Variants in PLA2G4A observed in about 807,000 individuals in gnomAD.
The protein encoded by PLA2G4A is phospholipase A2 group IVA, also known as cytosolic phospholipase A2.
PLA2G4A carries 40 observed loss-of-function variants against 81.9 expected under a neutral mutation model. The observed-to-expected ratio is 0.49, with a 90% CI of 0.38 to 0.64. PLA2G4A has a LOEUF of 0.64. Among genes scored for constraint, PLA2G4A ranks in the 30% least tolerant of loss-of-function variants. The pLI, the probability that PLA2G4A is intolerant of heterozygous loss-of-function variation, is 0.00. For synonymous variants in PLA2G4A, 302 were observed against 296.9 expected (o/e 1.02, Z -0.18); for missense variants, 715 against 905.1 (o/e 0.79, Z 2.69).
chr1:186,911,588 A>G (rs1654944924), intron 7 of PLA2G4A, among the ~76,000 whole-genome samples, 199 bp downstream of exon 7: 1 of 152,166 alleles, frequency 6.6e-6, no homozygotes, highest in African/African-American at 2.4e-5. Flanking sequence ...GGTAATATTT[A>G]TCAGCTATAG....
intron 14 of PLA2G4A, among the ~76,000 whole-genome samples, chr1:186,964,363 A>T (rs145040923): frequency 1.3e-5 from 2 of 152,130 alleles, no homozygotes; most frequent in African/African-American, 4.8e-5. Flanking sequence ...TATCAGTATT[A>T]TTTTTTCATA....
rs892680512 is a variant in PLA2G4A at position 186,945,302 on chromosome 1, T to A, written c.1034-1335T>A. Among the ~76,000 whole-genome samples the A allele has an allele frequency of 7.9e-5, 12 of 151,996 alleles. No individual in the cohort carries two copies. In the East Asian group the frequency reaches 2.3e-3, roughly 29 times the overall value. ...ACGCAAGACAAAATGTGATAGAACA[T>A]TGTTAGGAGGGATGTGGTCACATCA... On this transcript the variant is annotated intron_variant, in intron 10 of 17. Coordinates refer to ENST00000367466, the MANE Select transcript of PLA2G4A (RefSeq NM_024420.3).
intron 7 of PLA2G4A, among the ~76,000 whole-genome samples, chr1:186,927,771 T>C (rs1655601591): frequency 6.6e-6 from 1 of 152,216 alleles, no homozygotes; most frequent in African/African-American, 2.4e-5. Flanking sequence ...ACAGATCATC[T>C]AGTCATGGAG....
chr1:186,864,026 AAAGTGCTGGGATT>A (rs1445816507), intron 2 of PLA2G4A, among the ~76,000 whole-genome samples: 6 of 4,506 alleles, frequency 1.3e-3, no homozygotes, highest in African/African-American at 6.9e-3. Flanking sequence ...CCTCCCTCCC[AAAGTGCTGGGATT>A]AAGGCATGAG....
At chr1:186,862,223 C>CTTTTTTTTT (rs66584780) in intron 2 of PLA2G4A, among the ~76,000 whole-genome samples, 1 of 126,308 alleles carries the variant, frequency 7.9e-6, no homozygotes, top group Non-Finnish European at 1.6e-5. Flanking sequence ...TAGTTATGAA[C>CTTTTTTTTT]TTTTTTTTTG....
chr1:186,871,608 T>C (rs1324402565), intron 3 of PLA2G4A, among the ~76,000 whole-genome samples: 1 of 152,086 alleles, frequency 6.6e-6, no homozygotes, highest in Admixed American at 6.6e-5. Flanking sequence ...AAGACCAGAA[T>C]GCTTGTGAGG....
At chr1:186,872,520 CT>C (rs990350064) in intron 3 of PLA2G4A, among the ~76,000 whole-genome samples, 3 of 151,860 alleles carry the variant, frequency 2.0e-5, no homozygotes, top group East Asian at 1.9e-4. Flanking sequence ...CCCCCCACCC[CT>C]TTTTTTTAAT....
chr1:186,916,679 A>T (rs185231848), intron 7 of PLA2G4A, among the ~76,000 whole-genome samples: 2 of 152,250 alleles, frequency 1.3e-5, no homozygotes, highest in African/African-American at 4.8e-5. Context: ...GTCATAACAC[A>T]CATCTGGTCT....
At chr1:186,865,508 T>TA (rs1292407743) in intron 2 of PLA2G4A, among the ~76,000 whole-genome samples, 1 of 152,140 alleles carries the variant, frequency 6.6e-6, no homozygotes, top group East Asian at 1.9e-4. Flanking sequence ...ATGCAACTAT[T>TA]AAAAAAAATT....
chr1:186,872,489 G>A (rs1653313527), intron 3 of PLA2G4A, among the ~76,000 whole-genome samples: 1 of 152,158 alleles, frequency 6.6e-6, no homozygotes, highest in Non-Finnish European at 1.5e-5. Context: ...GCTATTATCT[G>A]TTAGATAAAG....
At chr1:186,832,775 A>G (rs774213791) in intron 1 of PLA2G4A, among the ~76,000 whole-genome samples, 4 of 152,210 alleles carry the variant, frequency 2.6e-5, no homozygotes, top group Non-Finnish European at 4.4e-5. Context: ...TTACATAATC[A>G]TAGCACTTTT....
At chr1:186,858,918 CGT>C (rs142558787) in intron 2 of PLA2G4A, among the ~76,000 whole-genome samples, 4,739 of 147,552 alleles carry the variant, frequency 0.032, 235 homozygotes, top group African/African-American at 0.11. Context: ...TGGGTGTGTG[CGT>C]GTGTGTGTGT....
In PLA2G4A at chr1:186,950,621, C is replaced by T. The variant is rs749615358; in HGVS notation, c.1265-36C>T. 3 of 1,176,548 alleles carry T rather than the reference C, an allele frequency of 2.5e-6. No individual in the cohort carries two copies. The African/African-American group carries it at 4.5e-5, about 18-fold the overall frequency. 72.9% of individuals were successfully genotyped at this position (1,176,548 alleles called of 1,614,324 possible). ...TAAAATTAATTGTTAATTTTGACAC[C>T]TGAAATGCTTCAATTTTTTTGTTTT... On this transcript the variant is annotated intron_variant, in intron 12 of 17. Transcript: ENST00000367466.
chr1:186,941,157 G>A (rs1220789767), intron 10 of PLA2G4A, among the ~76,000 whole-genome samples: 1 of 151,692 alleles, frequency 6.6e-6, no homozygotes, highest in Non-Finnish European at 1.5e-5. Flanking sequence ...TTTTGGGGGG[G>A]CCTCTGTCAG....
At position 186,979,345 on chromosome 1, in the gene PLA2G4A, A is replaced by G. The variant is rs1334979774; in HGVS notation, c.1991A>G (p.Glu664Gly). 6.2e-7 allele frequency: 1 copy of G among 1,612,478 alleles called. No individual in the cohort carries two copies. The highest frequency in any genetic ancestry group is 2.2e-5 in the East Asian group (1 of 44,866). ...GVPRETEEEK[E>G]IADFDIFDDP... The stretch of plus-strand genomic sequence containing the variant: ...CCAAGGGAAACTGAGGAAGAGAAAG[A>G]AATCGCTGACTTTGATATTTTTGAT... Residue 664 changes from glutamate (E) to glycine (G), a missense_variant, in exon 17 of 18, where the codon GAA (glutamate) becomes GGA (glycine). By Grantham distance (98) the Glu-to-Gly change is moderately conservative (BLOSUM62 -2). Transcript: ENST00000367466.
At chr1:186,910,532 T>C (rs1654902418) in intron 6 of PLA2G4A, among the ~76,000 whole-genome samples, 1 of 152,126 alleles carries the variant, frequency 6.6e-6, no homozygotes, top group South Asian at 2.1e-4. Flanking sequence ...AGCTGCAATA[T>C]ATAATAATAT....
At chr1:186,914,429 G>A (rs1655069651) in intron 7 of PLA2G4A, among the ~76,000 whole-genome samples, 1 of 146,374 alleles carries the variant, frequency 6.8e-6, no homozygotes, top group African/African-American at 2.6e-5. Context: ...AGAAGGAAGG[G>A]GTTTGTTTGG....
chr1:186,920,771 C>T (rs182925490), intron 7 of PLA2G4A, among the ~76,000 whole-genome samples: 1 of 152,216 alleles, frequency 6.6e-6, no homozygotes, highest in Non-Finnish European at 1.5e-5. Flanking sequence ...GCCAGTAAGT[C>T]GGCGTTTCGC....
intron 14 of PLA2G4A, among the ~76,000 whole-genome samples, chr1:186,964,965 T>C (rs866547838): frequency 1.3e-5 from 2 of 152,236 alleles, no homozygotes; most frequent in African/African-American, 4.8e-5. Flanking sequence ...ACCTTCGAGA[T>C]GACTCTTCAT....
Sources: gnomAD v4.1 joint callset for allele counts (sites outside exome capture counted in the v4.1 genomes callset) on GRCh38, gnomAD v4.1.1 for gene constraint, MANE v1.5 for transcripts, NCBI Gene and HGNC (gene_info 2026-07-23, HGNC 2026-07-21) for gene names.